The following NRG1 variants were observed in gnomAD, a reference collection of about 807,000 sequenced individuals.
NRG1 encodes the protein pro-neuregulin-1, membrane-bound isoform.
NRG1 carries 18 observed loss-of-function variants against 63.8 expected under a neutral mutation model. The observed-to-expected ratio is 0.28, with a 90% CI of 0.19 to 0.42. NRG1 has a LOEUF of 0.42. Among genes scored for constraint, NRG1 ranks in the 10% least tolerant of loss-of-function variants. The pLI, the probability that NRG1 is intolerant of heterozygous loss-of-function variation, is 1.00. For synonymous variants in NRG1, 302 were observed against 301.3 expected (o/e 1.00, Z -0.02); for missense variants, 762 against 814.7 (o/e 0.94, Z 0.79).
At chr8:32,179,830 G>T (rs1301977606) in intron 1 of NRG1, among the ~76,000 whole-genome samples, 1 of 151,970 alleles carries the variant, frequency 6.6e-6, no homozygotes, top group Non-Finnish European at 1.5e-5. Flanking sequence ...TATGGTTATA[G>T]TATTTAGTTT....
chr8:32,552,144 C>T (rs1052355328), intron 1 of NRG1, among the ~76,000 whole-genome samples: 2 of 150,844 alleles, frequency 1.3e-5, no homozygotes, highest in African/African-American at 2.4e-5. Flanking sequence ...CTCTTGACCT[C>T]GCAATCCACA....
In NRG1 at chr8:32,605,338, A is replaced by G. The variant is rs1588637082; in HGVS notation, c.279-224A>G. On this transcript the variant is annotated intron_variant, in intron 2 of 11. Coordinates refer to ENST00000356819, the Ensembl canonical transcript of NRG1. ...TTCCTTTAAACTACTGATTTAGGTG[A>G]TAAAATTGAGATGAAATCCATGGTA... 3.3e-5 allele frequency among the ~76,000 whole-genome samples: 5 copies of G among 152,324 alleles called. No homozygotes were observed. The South Asian group carries it at 8.3e-4, about 25-fold the overall frequency.
At chr8:32,757,238 ATTATCT>A (rs1829845445) in intron 9 of NRG1, among the ~76,000 whole-genome samples, 1 of 152,142 alleles carries the variant, frequency 6.6e-6, no homozygotes, top group Non-Finnish European at 1.5e-5. Context: ...GTTTGAAGAT[ATTATCT>A]TTCAAATCTC....
At chr8:31,719,598 G>T (rs80316037) in intron 1 of NRG1, among the ~76,000 whole-genome samples, 240 of 152,218 alleles carry the variant, frequency 1.6e-3, no homozygotes, top group African/African-American at 5.7e-3. Flanking sequence ...GCATCAAATC[G>T]CTGCGGTTAC....
intron 1 of NRG1, among the ~76,000 whole-genome samples, chr8:31,807,483 A>G (rs1822402801): frequency 6.6e-6 from 1 of 152,196 alleles, no homozygotes; most frequent in Admixed American, 6.5e-5. Flanking sequence ...GGCTCACTAA[A>G]TATTTATGGA....
Position 31,708,509 on chromosome 8 carries a change from G to T in NRG1, c.37+69078G>T, listed in dbSNP as rs1811386037. ...CGCCCAGGCTGGAGTGCAGTGGCGG[G>T]ATCTCGGCTCACTGCAAGCTCCGCC... is the stretch of plus-strand genomic sequence containing the variant. On this transcript the variant is annotated intron_variant, in intron 1 of 10. Transcript: ENST00000519301. Among the ~76,000 whole-genome samples the T allele has an allele frequency of 2.0e-5, 3 of 149,768 alleles. No homozygotes were observed. The South Asian group carries it at 6.4e-4, about 32-fold the overall frequency.
chr8:32,672,070 A>C (rs978875049), intron 5 of NRG1, among the ~76,000 whole-genome samples: 5 of 149,642 alleles, frequency 3.3e-5, no homozygotes, highest in Non-Finnish European at 7.4e-5. Context: ...TTTTTGAGAC[A>C]GTCTTGCTCT....
intron 1 of NRG1, among the ~76,000 whole-genome samples, chr8:31,890,200 G>C (rs935997972): frequency 3.9e-5 from 6 of 152,150 alleles, no homozygotes; most frequent in African/African-American, 1.2e-4. Context: ...GACAAAACCA[G>C]CACTAGCTAA....
At chr8:32,569,762 T>C (rs1057309789) in intron 1 of NRG1, among the ~76,000 whole-genome samples, 4 of 152,042 alleles carry the variant, frequency 2.6e-5, no homozygotes, top group Non-Finnish European at 5.9e-5. Context: ...AGCTCATTGT[T>C]TTTTAAAACA....
chr8:32,172,214 CT>C (rs1563868198), intron 1 of NRG1, among the ~76,000 whole-genome samples: 1 of 152,186 alleles, frequency 6.6e-6, no homozygotes, highest in Non-Finnish European at 1.5e-5. Context: ...GCAGCCTCCG[CT>C]GCTGATACCC....
At chr8:32,743,173 G>A (rs79301745) in intron 7 of NRG1, 1 of 986,944 alleles carries the variant, frequency 1.0e-6, no homozygotes, top group Non-Finnish European at 1.2e-6. Context: ...ATGATGGTAA[G>A]TTAATTTTGA....
chr8:31,648,672 C>T (rs1346709592), intron 1 of NRG1, among the ~76,000 whole-genome samples: 1 of 152,192 alleles, frequency 6.6e-6, no homozygotes, highest in African/African-American at 2.4e-5. Context: ...CCTTTTGTGA[C>T]TGGCTTATTT....
At chr8:31,999,955 T>C (rs1365549197) in intron 1 of NRG1, among the ~76,000 whole-genome samples, 1 of 152,002 alleles carries the variant, frequency 6.6e-6, no homozygotes, top group African/African-American at 2.4e-5. Flanking sequence ...TGTATTATTT[T>C]TAAAACTGGA....
chr8:32,150,675 T>C (rs7837166), intron 1 of NRG1, among the ~76,000 whole-genome samples: 2,008 of 152,270 alleles, frequency 0.013, 54 homozygotes, highest in African/African-American at 0.045. Flanking sequence ...AGTTTTGTTA[T>C]AGCAGCCCAA....
At chr8:31,807,948 C>CGTGT (rs71208141) in intron 1 of NRG1, among the ~76,000 whole-genome samples, 7,449 of 137,072 alleles carry the variant, frequency 0.054, 540 homozygotes, top group African/African-American at 0.17. Flanking sequence ...AGAGTATTCG[C>CGTGT]GTGTGTGTGT....
chr8:32,632,327 C>T (rs184090580), intron 5 of NRG1, among the ~76,000 whole-genome samples: 8 of 152,010 alleles, frequency 5.3e-5, no homozygotes, highest in South Asian at 2.1e-4. Flanking sequence ...CCAAGGCGGG[C>T]GGATCACCTG....
chr8:32,454,709 G>C (rs896743014), intron 1 of NRG1, among the ~76,000 whole-genome samples: 1 of 149,620 alleles, frequency 6.7e-6, no homozygotes, highest in Non-Finnish European at 1.5e-5. Context: ...GGTTAATTTA[G>C]TATTGAAGAA....
chr8:31,700,950 T>G (rs966974217), intron 1 of NRG1, among the ~76,000 whole-genome samples: 10 of 152,304 alleles, frequency 6.6e-5, no homozygotes, highest in African/African-American at 2.2e-4. Flanking sequence ...TTCTGCAGTT[T>G]GTGGTTGGAC....
intron 1 of NRG1, among the ~76,000 whole-genome samples, chr8:31,956,652 C>T (rs1053086938): frequency 9.9e-5 from 15 of 152,104 alleles, no homozygotes; most frequent in African/African-American, 3.1e-4. Context: ...GTGAGCCAAG[C>T]GCTCTACTTG....
Sources: gnomAD v4.1 joint callset for allele counts (sites outside exome capture counted in the v4.1 genomes callset) on GRCh38, gnomAD v4.1.1 for gene constraint, MANE v1.5 for transcripts, NCBI Gene and HGNC (gene_info 2026-07-23, HGNC 2026-07-21) for gene names.